ZNF665: variants seen among roughly 807,000 people sequenced by gnomAD.
The protein encoded by ZNF665 is zinc finger protein 665.
ZNF665 carries 6 observed loss-of-function variants against 7.9 expected under a neutral mutation model. The ratio of observed to expected loss-of-function variants is 0.76; its 90% CI spans 0.42 to 1.50. The LOEUF (loss-of-function observed/expected upper bound fraction) is 1.50. Ranked by LOEUF, ZNF665 falls within the 40% of genes most tolerant of loss-of-function variation. The probability of loss-of-function intolerance (pLI) is 0.01; values close to 1 mark genes in which losing one functional copy is unlikely to be tolerated. For synonymous variants in ZNF665, 242 were observed against 274.5 expected, an observed-to-expected ratio of 0.88 and a Z score of 1.17; for missense variants, 819 against 806.7, an observed-to-expected ratio of 1.02 and a Z score of -0.18.
intron 3 of ZNF665, 89 bp downstream of exon 3, chr19:53,175,356 G>A (rs2090688803): frequency 2.0e-6 from 3 of 1,486,116 alleles, no homozygotes; most frequent in South Asian, 1.2e-5. Flanking sequence ...TCCTCATCAA[G>A]CAATGCAGGG....
chr19:53,178,221 C>T (rs902087797), intron 2 of ZNF665, among the ~76,000 whole-genome samples: 4 of 152,192 alleles, frequency 2.6e-5, no homozygotes, highest in South Asian at 2.1e-4. Flanking sequence ...ATTTATGTAA[C>T]GACGTGTACC....
Position 53,165,788 on chromosome 19 carries a change from G to A in ZNF665, c.702C>T (p.Tyr234=), listed in dbSNP as rs1242167960. The A allele has an allele frequency of 1.2e-6, 2 of 1,614,066 alleles. No individual in the cohort carries two copies. Among genetic ancestry groups the A allele is most frequent in the Non-Finnish European group, 1.7e-6 (2 of 1,180,010 alleles). Residue 234 remains tyrosine (Y), a synonymous_variant, in exon 4 of 4, where the codon TAC becomes TAT. Transcript: ENST00000396424. Reference sequence around the variant, plus strand: ...AGACCTTTCCACATTCATTACATTTGTAAGGTTTTTCTCCAGTATGGATGA... The same window carrying A: ...AGACCTTTCCACATTCATTACATTTATAAGGTTTTTCTCCAGTATGGATGA... ...HQVIHTGEKP[Y]KCNECGKVFS... is the part of the protein sequence containing the mutation.
In ZNF665 at chr19:53,164,083, T is replaced by C. The variant is rs1368457636; in HGVS notation, c.*370A>G. 1.1e-4 allele frequency: 18 copies of C among 159,280 alleles called. 1 individual carries two copies. Among genetic ancestry groups the C allele is most frequent in the South Asian group, 9.5e-4 (5 of 5,286 alleles). 9.9% of individuals were successfully genotyped at this position (159,280 alleles called of 1,614,324 possible). A position where few individuals can be genotyped will look rare whatever the true frequency, so the allele number is the denominator to read the frequency against. ...GTCTCAAGAATGAATTCTCTGATGT[T>C]GTGAAAGAATTTGTGGCTGAAAAAC... On this transcript the variant is annotated 3_prime_UTR_variant, in exon 4 of 4. Coordinates refer to ENST00000396424, the MANE Select transcript of ZNF665 (RefSeq NM_024733.5).
chr19:53,191,272 T>C (rs2090814977), intron 1 of ZNF665, among the ~76,000 whole-genome samples: 1 of 152,184 alleles, frequency 6.6e-6, no homozygotes, highest in South Asian at 2.1e-4. Flanking sequence ...GCATTCTTTG[T>C]TGAGCGTTCA....
intron 3 of ZNF665, among the ~76,000 whole-genome samples, chr19:53,171,521 TATA>T (rs1362165027): frequency 2.4e-5 from 2 of 85,026 alleles, no homozygotes; most frequent in African/African-American, 9.3e-5. Context: ...TATATATATA[TATA>T]TTTTTTTTTT....
chr19:53,167,668 G>T (rs2090626598), intron 3 of ZNF665, among the ~76,000 whole-genome samples: 2 of 149,280 alleles, frequency 1.3e-5, no homozygotes, highest in South Asian at 2.1e-4. Flanking sequence ...GGATGGTCTC[G>T]ATTTCCTGAC....
chr19:53,175,254 A>T (rs950753647), intron 3 of ZNF665, among the ~76,000 whole-genome samples, 191 bp downstream of exon 3: 1 of 152,156 alleles, frequency 6.6e-6, no homozygotes. Flanking sequence ...AAAACTCTCC[A>T]CAAAGTGGGC....
At position 53,184,945 on chromosome 19, in the gene ZNF665, A is replaced by AAG. The variant is rs564028352; in HGVS notation, c.-45-2003_-45-2002insCT. On this transcript the variant is annotated intron_variant, in intron 1 of 3. Coordinates refer to ENST00000396424, the MANE Select transcript of ZNF665 (RefSeq NM_024733.5). ...CAGAGAGAGAGAGGAGAAAGAGAGA[A>AAG]ACAGCTTACACTATTATTTCTGCTT... is the stretch of plus-strand genomic sequence containing the variant. 1.1e-3 allele frequency among the ~76,000 whole-genome samples: 166 copies of AAG among 152,160 alleles called. 3 individuals are homozygous for AAG. In the East Asian group the frequency reaches 0.025, roughly 23 times the overall value.
rs186930868 is a variant in ZNF665 at position 53,172,891 on chromosome 19, G to A, written c.142+2554C>T. Among the ~76,000 whole-genome samples, 7 of 150,436 alleles carry A rather than the reference G, an allele frequency of 4.7e-5. No homozygotes were observed. The East Asian group carries it at 1.4e-3, about 29-fold the overall frequency. On this transcript the variant is annotated intron_variant, in intron 3 of 3. Transcript: ENST00000396424. ...AGATCCCTTGGCCATTTTTTAAATT[G>A]GTTTGTTTTCATGCTATTGAGTAGT...
intron 1 of ZNF665, among the ~76,000 whole-genome samples, chr19:53,190,944 C>T (rs774498657): frequency 7.2e-4 from 100 of 138,246 alleles, no homozygotes; most frequent in East Asian, 1.2e-3. Flanking sequence ...AAAAACAGAC[C>T]GGCAAACAAA....
At chr19:53,190,997 T>A (rs1599890975) in intron 1 of ZNF665, among the ~76,000 whole-genome samples, 1 of 138,218 alleles carries the variant, frequency 7.2e-6, no homozygotes, top group Non-Finnish European at 1.5e-5. Context: ...CTGAGTTCTA[T>A]GAGCTGCTCT....
intron 3 of ZNF665, among the ~76,000 whole-genome samples, chr19:53,167,858 C>T (rs1211156490): frequency 2.0e-5 from 3 of 148,148 alleles, no homozygotes; most frequent in African/African-American, 7.4e-5. Flanking sequence ...AGATCGAGAC[C>T]ATCCTGGCTA....
intron 3 of ZNF665, among the ~76,000 whole-genome samples, chr19:53,171,001 T>C (rs921393255): frequency 6.6e-6 from 1 of 152,144 alleles, no homozygotes; most frequent in African/African-American, 2.4e-5. Context: ...TTTGTTTGTT[T>C]TCGAGACGGA....
intron 3 of ZNF665, among the ~76,000 whole-genome samples, chr19:53,173,912 C>G (rs946203521): frequency 3.3e-5 from 5 of 152,142 alleles, no homozygotes; most frequent in African/African-American, 1.2e-4. Context: ...ATTTGGCTAA[C>G]CATCTCAGAA....
chr19:53,182,414 T>C (rs1021187425), intron 2 of ZNF665: 1 of 423,598 alleles, frequency 2.4e-6, no homozygotes, highest in Non-Finnish European at 4.3e-6. Flanking sequence ...AGAAACACAG[T>C]GACTCACTTG....
At chr19:53,191,797 C>T (rs775659895) in intron 1 of ZNF665, 6 of 152,092 alleles carry the variant, frequency 3.9e-5, no homozygotes, top group African/African-American at 1.2e-4. Context: ...GAGTCGAGAT[C>T]GTGCCATTGC....
At chr19:53,169,245 T>A (rs2090639628) in intron 3 of ZNF665, among the ~76,000 whole-genome samples, 1 of 151,998 alleles carries the variant, frequency 6.6e-6, no homozygotes, top group Non-Finnish European at 1.5e-5. Context: ...TTTTAAACAT[T>A]GGAAAATGAT....
Position 53,164,728 on chromosome 19 carries a change from G to A in ZNF665, c.1762C>T (p.His588Tyr), listed in dbSNP as rs778921532. The change falls in exon 4 of 4, where the codon CAT (histidine) becomes TAT (tyrosine). Residue 588 changes from histidine (H) to tyrosine (Y), a missense_variant. His to Tyr is a moderately conservative substitution (Grantham distance 83). Transcript: ENST00000396424. ...AFSVHSNLATHQVIHTGEKPY... is the reference protein window; with the variant it reads ...AFSVHSNLATYQVIHTGEKPY... ...TTTTCTCCAGTATGGATGACCTGATGGGTAGCTAGGTTTGAATGTACACTA... is the reference window on the plus strand; with the variant it reads ...TTTTCTCCAGTATGGATGACCTGATAGGTAGCTAGGTTTGAATGTACACTA... 1 of 1,614,194 alleles carries A rather than the reference G, an allele frequency of 6.2e-7. No homozygotes were observed. Among genetic ancestry groups the A allele is most frequent in the South Asian group, 1.1e-5 (1 of 91,082 alleles).
intron 1 of ZNF665, 54 bp from the exon 2 acceptor site, chr19:53,182,997 CT>C (rs1306516839): frequency 6.4e-7 from 1 of 1,551,126 alleles, no homozygotes; most frequent in Non-Finnish European, 8.8e-7. Flanking sequence ...CAAAAATACG[CT>C]GTTTGTTGGT....
Sources: gnomAD v4.1 joint callset for allele counts (sites outside exome capture counted in the v4.1 genomes callset) on GRCh38, gnomAD v4.1.1 for gene constraint, MANE v1.5 for transcripts, NCBI Gene and HGNC (gene_info 2026-07-23, HGNC 2026-07-21) for gene names.